Variants in COL8A2 observed in about 807,000 individuals in gnomAD.
The protein encoded by COL8A2 is collagen alpha-2(VIII) chain.
COL8A2 carries 16 observed loss-of-function variants against 24.0 expected under a neutral mutation model. That is an observed-to-expected ratio of 0.67 (90% CI 0.45 to 1.01). The LOEUF (loss-of-function observed/expected upper bound fraction) is 1.01, where lower values mean the gene tolerates loss of function less well. Ranked by LOEUF, COL8A2 falls within the 50% of genes least tolerant of loss-of-function variation. The probability of loss-of-function intolerance (pLI) is 0.00; values close to 1 mark genes in which losing one functional copy is unlikely to be tolerated. For missense variants in COL8A2, 818 were observed against 942.4 expected, an observed-to-expected ratio of 0.87 and a Z score of 1.73; for synonymous variants, 466 against 424.5, an observed-to-expected ratio of 1.10 and a Z score of -1.20.
At position 36,098,543 on chromosome 1, in the gene COL8A2, C is replaced by T; in HGVS notation, c.1138G>A (p.Glu380Lys). The T allele has an allele frequency of 6.2e-7, 1 of 1,601,464 alleles. No individual in the cohort carries two copies. Among genetic ancestry groups the T allele is most frequent in the Non-Finnish European group, 8.5e-7 (1 of 1,175,022 alleles). Residue 380 changes from glutamate (E) to lysine (K), a missense_variant, in exon 4 of 4, where the codon GAG becomes AAG. By Grantham distance (56) the Glu-to-Lys change is moderately conservative. Coordinates refer to ENST00000397799, the MANE Select transcript of COL8A2 (RefSeq NM_005202.4). ...CCTGGGGGTCCTCCAGGCCCTGCCT[C>T]ACCCTTAGGCCCAGGGGGCCCACGT... ...GRRGPPGPKGEAGPGGPPGVP... is the reference protein window; with the variant it reads ...GRRGPPGPKGKAGPGGPPGVP...
At chr1:36,109,901 G>GT (rs1359933273) in intron 2 of COL8A2, among the ~76,000 whole-genome samples, 3 of 139,518 alleles carry the variant, frequency 2.2e-5, no homozygotes, top group African/African-American at 8.1e-5. Flanking sequence ...AGGCCTTGGA[G>GT]TAACCACTCT....
rs746827665 is a variant in COL8A2 at position 36,099,218 on chromosome 1, G to A, written c.463C>T (p.Arg155Trp). Residue 155 changes from arginine to tryptophan, a missense_variant, in exon 4 of 4, where the codon CGG becomes TGG. Physicochemically the swap from Arg to Trp is moderately radical, Grantham distance 101. Transcript: ENST00000397799. ...AGGCCAGGGGGTCCTGGGGGTCCCC[G>A]GAGGCCCTGGTCCCCTCGTATTCCT... ...EPGIRGDQGL[R>W]GPPGPPGLPG... 61 of 1,537,860 alleles carry A rather than the reference G, an allele frequency of 4.0e-5. No individual in the cohort carries two copies. Among genetic ancestry groups the A allele is most frequent in the Admixed American group, 6.2e-5 (3 of 48,494 alleles).
rs768247177 is a variant in COL8A2, at chr1:36,097,827, G to A, written c.1854C>T (p.Gly618=). The change falls in exon 4 of 4, where the codon GGC becomes GGT. Residue 618 remains glycine (G), a synonymous_variant. Transcript: ENST00000397799. ...GCACATGGTAAGCAAAGTAGTAGAC[G>A]CCGCCCACAGGGCAGGTGAAGATGC... is the stretch of plus-strand genomic sequence containing the variant. The part of the protein sequence containing the change: ...ATGIFTCPVG[G]VYYFAYHVHV... 6.8e-6 allele frequency: 11 copies of A among 1,613,416 alleles called. No homozygotes were observed. The highest frequency in any genetic ancestry group is 2.2e-5 in the East Asian group (1 of 44,886).
chr1:36,099,935 TTGG>T (rs1643649414), intron 3 of COL8A2, 112 bp downstream of exon 3: 1 of 986,988 alleles, frequency 1.0e-6, no homozygotes, highest in Non-Finnish European at 1.6e-6. Context: ...GGTAGGAAAA[TTGG>T]TGGGGAATGA....
chr1:36,109,527 C>A (rs568908826), intron 2 of COL8A2, among the ~76,000 whole-genome samples: 7 of 152,076 alleles, frequency 4.6e-5, no homozygotes, highest in Non-Finnish European at 7.4e-5. Flanking sequence ...ACCTCAGTGT[C>A]CTCATCTGCA....
rs558099195 is a variant in COL8A2, at chr1:36,119,824, G to A, written c.-61-4072C>T. 2.6e-5 allele frequency among the ~76,000 whole-genome samples: 4 copies of A among 152,244 alleles called. No homozygotes were observed. The South Asian group carries it at 6.2e-4, about 24-fold the overall frequency. ...AGGAGATAACTGACCCCTCTACCCC[G>A]CAATCTAGGTTTCTCCTCACCACAG... On this transcript the variant is annotated intron_variant, in intron 1 of 3. Coordinates refer to ENST00000397799, the MANE Select transcript of COL8A2 (RefSeq NM_005202.4).
intron 2 of COL8A2, among the ~76,000 whole-genome samples, chr1:36,106,045 C>A (rs896118543): frequency 6.6e-6 from 1 of 151,134 alleles, no homozygotes; most frequent in Admixed American, 6.6e-5. Flanking sequence ...CCGAGGCAGG[C>A]GGATCACCTG....
chr1:36,125,106 G>C lies in COL8A2; in HGVS notation c.-111C>G, dbSNP rs892776676. On this transcript the variant is annotated 5_prime_UTR_variant, in exon 1 of 4. Transcript: ENST00000397799. The surrounding 1 kb of genome is among the most constrained non-coding windows in gnomAD (Gnocchi z 4.5). ...GCTCCCGGCCCTCGAGGGCGGCCCG[G>C]GCGGCGAGGGCTCCGGGCAGGGGCG... 1.1e-4 allele frequency: 109 copies of C among 969,606 alleles called. No individual in the cohort carries two copies. Among genetic ancestry groups the C allele is most frequent in the Non-Finnish European group, 1.3e-4 (105 of 817,766 alleles). 60.1% of individuals were successfully genotyped at this position (969,606 alleles called of 1,614,324 possible). A position where few individuals can be genotyped will look rare whatever the true frequency, so the allele number is the denominator to read the frequency against.
In COL8A2 at chr1:36,099,301, G is replaced by C. The variant is rs761129498; in HGVS notation, c.380C>G (p.Pro127Arg). 1.1e-5 allele frequency: 17 copies of C among 1,570,718 alleles called. No individual in the cohort carries two copies. In the East Asian group the frequency reaches 3.9e-4, roughly 36 times the overall value. Residue 127 changes from proline to arginine, a missense_variant, in exon 4 of 4, where the codon CCC becomes CGC. Pro to Arg is a moderately radical substitution (Grantham distance 103, BLOSUM62 -2). Around this residue, in one of 3 missense-constraint regions of COL8A2, gnomAD observed 573 missense variants for 616.8 expected, o/e 0.93. Transcript: ENST00000397799. ...PGFSRMGKAG[P>R]PGLPGKVGPP... The stretch of plus-strand genomic sequence containing the variant: ...CCCGACCTTGCCAGGGAGCCCTGGG[G>C]GACCAGCCTTGCCCATCCGGGAGAA...
intron 2 of COL8A2, among the ~76,000 whole-genome samples, chr1:36,102,470 T>A (rs1406851437): frequency 6.6e-6 from 1 of 151,362 alleles, no homozygotes; most frequent in Non-Finnish European, 1.5e-5. Flanking sequence ...CTGGCTAATT[T>A]TTTCTATTTT....
Position 36,115,582 on chromosome 1 carries a change from T to A in COL8A2, c.-17+126A>T. Reference sequence around the variant, plus strand: ...TGAGGTCACATACAAAAGGGGTGGCTCACAGGACTCTCTGGGCCTGGGAGG... The same window carrying A: ...TGAGGTCACATACAAAAGGGGTGGCACACAGGACTCTCTGGGCCTGGGAGG... On this transcript the variant is annotated intron_variant, in intron 2 of 3. Transcript: ENST00000397799. The surrounding 1 kb of genome is among the most constrained non-coding windows in gnomAD (Gnocchi z 5.7). The A allele has an allele frequency of 2.7e-6, 1 of 376,018 alleles. No homozygotes were observed. The highest frequency in any genetic ancestry group is 3.7e-6 in the Non-Finnish European group (1 of 272,922). 23.3% of individuals were successfully genotyped at this position (376,018 alleles called of 1,614,324 possible).
intron 3 of COL8A2, among the ~76,000 whole-genome samples, chr1:36,099,839 C>T (rs988931446): frequency 2.0e-5 from 3 of 152,174 alleles, no homozygotes; most frequent in African/African-American, 7.2e-5. Context: ...TCCCAACTTC[C>T]CAGTTCATCT....
At chr1:36,100,357 G>T (rs1643660505) in intron 2 of COL8A2, 99 bp from the exon 3 acceptor site, 2 of 1,064,920 alleles carry the variant, frequency 1.9e-6, no homozygotes, top group Non-Finnish European at 2.7e-6. Context: ...TTACACTGGA[G>T]ATTTCAGTCA....
chr1:36,115,185 C>T lies in COL8A2; in HGVS notation c.-17+523G>A, dbSNP rs377066954. 3.9e-5 allele frequency among the ~76,000 whole-genome samples: 6 copies of T among 152,240 alleles called. No homozygotes were observed. Among genetic ancestry groups the T allele is most frequent in the African/African-American group, 1.2e-4 (5 of 41,552 alleles). On this transcript the variant is annotated intron_variant, in intron 2 of 3. Coordinates refer to ENST00000397799, the MANE Select transcript of COL8A2 (RefSeq NM_005202.4). The surrounding 1 kb of genome is among the most constrained non-coding windows in gnomAD (Gnocchi z 5.7). Reference sequence around the variant, plus strand: ...GAGCTTCTGATGGGAACTGGACATCCGAGGGCCCCTACAGACCCAGCCACC... The same window carrying T: ...GAGCTTCTGATGGGAACTGGACATCTGAGGGCCCCTACAGACCCAGCCACC...
rs1013829386 is a variant in COL8A2 at position 36,095,745 on chromosome 1, G to A, written c.*1824C>T. On this transcript the variant is annotated 3_prime_UTR_variant, in exon 4 of 4. Coordinates refer to ENST00000397799, the MANE Select transcript of COL8A2 (RefSeq NM_005202.4). ...ATCAGAACCCATCCCTAACACATCAGATGATAGTGGCTTTGACCTAGGGAA... is the reference window on the plus strand; with the variant it reads ...ATCAGAACCCATCCCTAACACATCAAATGATAGTGGCTTTGACCTAGGGAA... 4 of 152,128 alleles carry A rather than the reference G, an allele frequency of 2.6e-5. No homozygotes were observed. Among genetic ancestry groups the A allele is most frequent in the Non-Finnish European group, 4.4e-5 (3 of 68,024 alleles). 9.4% of individuals were successfully genotyped at this position (152,128 alleles called of 1,614,324 possible).
At chr1:36,100,905 T>C in intron 2 of COL8A2, among the ~76,000 whole-genome samples, 1 of 136,490 alleles carries the variant, frequency 7.3e-6, no homozygotes, top group African/African-American at 3.1e-5. Flanking sequence ...TTTTTTTTTT[T>C]TTTTTTTTTT....
At chr1:36,120,171 A>C (rs1177186563) in intron 1 of COL8A2, among the ~76,000 whole-genome samples, 2 of 152,156 alleles carry the variant, frequency 1.3e-5, no homozygotes, top group African/African-American at 4.8e-5. Context: ...AAGATGCCCC[A>C]CACACTGTAG....
At chr1:36,100,673 A>G (rs529154510) in intron 2 of COL8A2, among the ~76,000 whole-genome samples, 14 of 152,246 alleles carry the variant, frequency 9.2e-5, no homozygotes, top group Non-Finnish European at 1.6e-4. Flanking sequence ...CTCTTTAGGG[A>G]CATGAATTCA....
At chr1:36,108,923 CCA>C (rs1394061266) in intron 2 of COL8A2, among the ~76,000 whole-genome samples, 1 of 152,166 alleles carries the variant, frequency 6.6e-6, no homozygotes, top group Non-Finnish European at 1.5e-5. Flanking sequence ...AAAGACCTGC[CCA>C]CTCTCCCATC....
Sources: gnomAD v4.1 joint callset for allele counts (sites outside exome capture counted in the v4.1 genomes callset) on GRCh38, gnomAD v4.1.1 for gene constraint, gnomAD v4.1.1 regional missense constraint, Gnocchi (gnomAD v3.1) non-coding constraint, MANE v1.5 for transcripts, NCBI Gene and HGNC (gene_info 2026-07-23, HGNC 2026-07-21) for gene names.